NOL8: variants seen among roughly 807,000 people sequenced by gnomAD.
The protein encoded by NOL8 is nucleolar protein Nop132.
NOL8 carries 93 observed loss-of-function variants against 116.1 expected under a neutral mutation model. The observed-to-expected ratio is 0.80, with a 90% CI of 0.68 to 0.95. The LOEUF is 0.95. Ranked by LOEUF, NOL8 falls within the 40% of genes least tolerant of loss-of-function variation. The pLI is 0.00. For synonymous variants in NOL8, 419 were observed against 469.0 expected (o/e 0.89, Z 1.38); for missense variants, 1,291 against 1,382.8 (o/e 0.93, Z 1.05).
At position 92,319,340 on chromosome 9, in the gene NOL8, C is replaced by G. The variant is rs1410842202; in HGVS notation, c.298G>C (p.Glu100Gln). 3 of 1,587,464 alleles carry G rather than the reference C, an allele frequency of 1.9e-6. No homozygotes were observed. The highest frequency in any genetic ancestry group is 1.4e-5 in the African/African-American group (1 of 72,244). The change falls in exon 5 of 17, where the codon GAA becomes CAA. Residue 100 changes from glutamate (E) to glutamine (Q), a missense_variant. Glu to Gln is a conservative substitution (Grantham distance 29). Coordinates refer to ENST00000442668, the MANE Select transcript of NOL8 (RefSeq NM_017948.6). ...SFLHRLAQEREAAKAKKEEST... is the reference protein window; with the variant it reads ...SFLHRLAQERQAAKAKKEEST... ...TCTTCTTTCTTAGCTTTTGCTGCTT[C>G]TCTCTCTTGGGCCAATCTGAATCAA...
intron 9 of NOL8, 142 bp from the exon 10 acceptor site, chr9:92,310,403 A>G (rs1414418664): frequency 2.6e-6 from 3 of 1,148,704 alleles, no homozygotes; most frequent in Non-Finnish European, 3.8e-6. Context: ...TTATGAACCA[A>G]TCAGAGAGGA....
rs868381000 is a variant in NOL8, at chr9:92,316,039, C to G, written c.586G>C (p.Glu196Gln). 6.2e-7 allele frequency: 1 copy of G among 1,613,962 alleles called. No individual in the cohort carries two copies. Among genetic ancestry groups the G allele is most frequent in the African/African-American group, 1.3e-5 (1 of 75,030 alleles). ...TTACTCATAGGGTCATTCCCTCCTTCTAATTCCCAAGTCAGGCTGGATATA... is the reference window on the plus strand; with the variant it reads ...TTACTCATAGGGTCATTCCCTCCTTGTAATTCCCAAGTCAGGCTGGATATA... ...IPISSLTWEL[E>Q]GGNDPMSKKR... The change falls in exon 7 of 17, where the codon GAA becomes CAA. Residue 196 changes from glutamate to glutamine, a missense_variant. By Grantham distance (29) the Glu-to-Gln change is conservative. Transcript: ENST00000442668.
In NOL8 at chr9:92,315,273, G is replaced by C; in HGVS notation, c.1352C>G (p.Ser451Cys). The change falls in exon 7 of 17, where the codon TCT becomes TGT. Residue 451 changes from serine to cysteine, a missense_variant. By Grantham distance (112) the Ser-to-Cys change is moderately radical. Coordinates refer to ENST00000442668, the MANE Select transcript of NOL8 (RefSeq NM_017948.6). ...GLKSLNRKSP[S>C]HSSSSEDADS... Reference sequence around the variant, plus strand: ...AGCATCTTCACTGCTACTGGAGTGAGAGGGAGATTTACGATTAAGAGACTT... The same window carrying C: ...AGCATCTTCACTGCTACTGGAGTGACAGGGAGATTTACGATTAAGAGACTT... 6.2e-7 allele frequency: 1 copy of C among 1,613,934 alleles called. No homozygotes were observed. Among genetic ancestry groups the C allele is most frequent in the Middle Eastern group, 1.6e-4 (1 of 6,062 alleles).
At chr9:92,307,387 CTA>C (rs1358444348) in intron 10 of NOL8, among the ~76,000 whole-genome samples, 12 of 152,060 alleles carry the variant, frequency 7.9e-5, no homozygotes, top group Admixed American at 4.6e-4. Context: ...TAAACATAAT[CTA>C]AATTACGTAA....
At chr9:92,297,990 C>G (rs951625828) in intron 16 of NOL8, 104 bp from the exon 17 acceptor site, 2 of 1,025,344 alleles carry the variant, frequency 2.0e-6, no homozygotes, top group African/African-American at 1.6e-5. Context: ...CTGTGGAAAC[C>G]TATTTTGAAA....
intron 13 of NOL8, chr9:92,300,917 T>C (rs1837684183): frequency 2.1e-6 from 2 of 969,636 alleles, no homozygotes; most frequent in Non-Finnish European, 1.2e-6. Context: ...TGTGTATTCT[T>C]CTGTATAGGT....
chr9:92,312,469 AAAAG>A (rs1418317268), intron 7 of NOL8, among the ~76,000 whole-genome samples: 44 of 149,320 alleles, frequency 2.9e-4, no homozygotes, highest in Admixed American at 6.6e-4. Context: ...AAAAAAAAAA[AAAAG>A]AACAATCAAC....
intron 9 of NOL8, 127 bp from the exon 10 acceptor site, chr9:92,310,388 T>C: frequency 8.7e-7 from 1 of 1,153,740 alleles, no homozygotes; most frequent in Non-Finnish European, 1.3e-6. Context: ...CCTACCTCCA[T>C]CTACTTATGA....
rs1405640400 is a variant in NOL8, at chr9:92,315,777, A to G, written c.848T>C (p.Phe283Ser). The change falls in exon 7 of 17, where the codon TTT (phenylalanine) becomes TCT (serine). Residue 283 changes from phenylalanine to serine, a missense_variant. By Grantham distance (155) the Phe-to-Ser change is radical. Transcript: ENST00000442668. ...GGCAGTTTCCAAGCCAGAAGTCTTAAAAGGTAGATTTTTAAGTTTCTGAGT... is the reference window on the plus strand; with the variant it reads ...GGCAGTTTCCAAGCCAGAAGTCTTAGAAGGTAGATTTTTAAGTTTCTGAGT... ...SDTQKLKNLPFKTSGLETAKK... is the reference protein window; with the variant it reads ...SDTQKLKNLPSKTSGLETAKK... The G allele has an allele frequency of 6.2e-7, 1 of 1,613,756 alleles. No individual in the cohort carries two copies. Among genetic ancestry groups the G allele is most frequent in the East Asian group, 2.2e-5 (1 of 44,876 alleles).
chr9:92,324,302 G>T, intron 1 of NOL8, 93 bp from the exon 2 acceptor site: 2 of 1,024,494 alleles, frequency 2.0e-6, no homozygotes, highest in Non-Finnish European at 2.8e-6. Flanking sequence ...TCCGTCTCCT[G>T]GATCTGTATT....
chr9:92,317,850 T>C (rs897645052), intron 6 of NOL8, among the ~76,000 whole-genome samples: 1 of 151,544 alleles, frequency 6.6e-6, no homozygotes, highest in Admixed American at 6.6e-5. Flanking sequence ...CTGGCCAACA[T>C]GGTGAAACCC....
Position 92,314,673 on chromosome 9 carries a change from A to G in NOL8, c.1952T>C (p.Phe651Ser), listed in dbSNP as rs1405613763. ...CACTGCCTTGCGATCCTGGCTTTCA[A>G]AAGTGGTCTGTCTTTTTTGAGGCTG... The part of the protein sequence containing the change: ...YIQPQKRQTT[F>S]ESQDRKAVSP... The change falls in exon 7 of 17, where the codon TTT (phenylalanine) becomes TCT (serine). Residue 651 changes from phenylalanine to serine, a missense_variant. Transcript: ENST00000442668. 3.1e-6 allele frequency: 5 copies of G among 1,613,578 alleles called. No individual in the cohort carries two copies. The highest frequency in any genetic ancestry group is 2.7e-5 in the African/African-American group (2 of 74,936).
intron 3 of NOL8, chr9:92,323,236 C>T: frequency 7.1e-7 from 1 of 1,413,214 alleles, no homozygotes; most frequent in East Asian, 2.6e-5. Context: ...GTAAACCCAC[C>T]AGTAAAGTGC....
At position 92,299,988 on chromosome 9, in the gene NOL8, A is replaced by T. The variant is rs758839502; in HGVS notation, c.3204T>A (p.Pro1068=). ...EETYRVETVK[P]GKIVWQEDPR... ...GGTCTTCCTGCCAGACAATCTTTCC[A>T]GGTTTCACTGTTTCAACTCTGTAGG... The change falls in exon 14 of 17, where the codon CCT becomes CCA. Residue 1068 remains proline, a synonymous_variant. Coordinates refer to ENST00000442668, the MANE Select transcript of NOL8 (RefSeq NM_017948.6). The T allele has an allele frequency of 1.2e-6, 2 of 1,613,498 alleles. No homozygotes were observed. The highest frequency in any genetic ancestry group is 2.2e-5 in the South Asian group (2 of 91,076).
In NOL8 at chr9:92,318,708, T is replaced by A. The variant is rs753971703; in HGVS notation, c.418-22A>T. 5 of 1,454,106 alleles carry A rather than the reference T, an allele frequency of 3.4e-6. No homozygotes were observed. In the Admixed American group the frequency reaches 1.1e-4, roughly 31 times the overall value. The allele number at this position is 1,454,106 out of a possible 1,614,324, so 90.1% of individuals were successfully genotyped here. A position where few individuals can be genotyped will look rare whatever the true frequency, so the allele number is the denominator to read the frequency against. ...AATTCTAAAAGAAAAAAAAAGAATT[T>A]ATTTACTATATGTGACACAAATGGA... On this transcript the variant is annotated intron_variant, in intron 5 of 16. Coordinates refer to ENST00000442668, the MANE Select transcript of NOL8 (RefSeq NM_017948.6).
chr9:92,301,742 A>G lies in NOL8; in HGVS notation c.2984T>C (p.Met995Thr), dbSNP rs1837766231. 1 of 1,605,282 alleles carries G rather than the reference A, an allele frequency of 6.2e-7. No individual in the cohort carries two copies. The highest frequency in any genetic ancestry group is 8.5e-7 in the Non-Finnish European group (1 of 1,176,532). ...VSKEMYYNIA[M>T]DLKEIFQTTK... is the part of the protein sequence containing the mutation. Reference sequence around the variant, plus strand: ...AGTTTGGAATATTTCTTTCAGATCCATAGCAATATTATAATACATTTCTTT... The same window carrying G: ...AGTTTGGAATATTTCTTTCAGATCCGTAGCAATATTATAATACATTTCTTT... The change falls in exon 13 of 17, where the codon ATG becomes ACG. Residue 995 changes from methionine (M) to threonine (T), a missense_variant. Met to Thr is a moderately conservative substitution (Grantham distance 81). Transcript: ENST00000442668.
intron 13 of NOL8, 87 bp from the exon 14 acceptor site, chr9:92,300,103 C>T (rs140600863): frequency 2.1e-4 from 317 of 1,485,648 alleles, no homozygotes; most frequent in East Asian, 1.7e-3. Context: ...ACTTTTACCA[C>T]GTAGACATAT....
intron 13 of NOL8, 97 bp from the exon 14 acceptor site, chr9:92,300,113 T>A: frequency 2.0e-6 from 3 of 1,468,548 alleles, no homozygotes; most frequent in Non-Finnish European, 2.7e-6. Flanking sequence ...CGTAGACATA[T>A]CTAAAGTTCC....
rs1839329113 is a variant in NOL8 at position 92,315,685 on chromosome 9, T to C, written c.940A>G (p.Lys314Glu). 6.8e-6 allele frequency: 11 copies of C among 1,612,378 alleles called. No homozygotes were observed. The East Asian group carries it at 2.2e-4, about 33-fold the overall frequency. Residue 314 changes from lysine to glutamate, a missense_variant, in exon 7 of 17, where the codon AAA (lysine) becomes GAA (glutamate). Transcript: ENST00000442668. ...GTAGTTCTCTGTAAGTTTTCCTCTT[T>C]CGCAATCATCATTCTCAATTCATCT... Reference protein sequence around the residue: ...SEDELRMMIAKEENLQRTTQP... With the variant: ...SEDELRMMIAEEENLQRTTQP...
Sources: allele counts gnomAD v4.1 joint callset (sites outside exome capture counted in the v4.1 genomes callset), GRCh38; gene constraint gnomAD v4.1.1; transcripts MANE v1.5; gene names NCBI Gene and HGNC (gene_info 2026-07-23, HGNC 2026-07-21).